The following PUS10 variants were observed in gnomAD, a reference collection of about 807,000 sequenced individuals.
The protein encoded by PUS10 is tRNA pseudouridine synthase Pus10.
PUS10 carries 59 observed loss-of-function variants against 75.0 expected under a neutral mutation model. The observed-to-expected ratio is 0.79, with a 90% CI of 0.64 to 0.98. The LOEUF (loss-of-function observed/expected upper bound fraction) is 0.98, where lower values mean the gene tolerates loss of function less well. Among genes scored for constraint, PUS10 ranks in the 50% least tolerant of loss-of-function variants. PUS10 has a pLI of 0.00. For synonymous variants in PUS10, 219 were observed against 211.6 expected, an observed-to-expected ratio of 1.03 and a Z score of -0.30; for missense variants, 650 against 614.4, an observed-to-expected ratio of 1.06 and a Z score of -0.61.
chr2:60,991,071 G>A (rs1678043588), intron 4 of PUS10, among the ~76,000 whole-genome samples: 2 of 152,108 alleles, frequency 1.3e-5, no homozygotes, highest in African/African-American at 2.4e-5. Flanking sequence ...TAGAGACGGA[G>A]TCTCTCTATG....
Position 60,962,811 on chromosome 2 carries a change from T to G in PUS10, c.788+15A>C, listed in dbSNP as rs1382808001. On this transcript the variant is annotated intron_variant, in intron 9 of 17. Transcript: ENST00000316752. Reference sequence around the variant, plus strand: ...AAATTTCACGATGCTTCTTTGTTTCTAAACTTCTACTTACTTAAGGAAATC... The same window carrying G: ...AAATTTCACGATGCTTCTTTGTTTCGAAACTTCTACTTACTTAAGGAAATC... 2 of 1,579,478 alleles carry G rather than the reference T, an allele frequency of 1.3e-6. No homozygotes were observed. Among genetic ancestry groups the G allele is most frequent in the Admixed American group, 1.9e-5 (1 of 52,632 alleles).
At chr2:60,977,206 C>G (rs906630589) in intron 4 of PUS10, among the ~76,000 whole-genome samples, 1 of 151,796 alleles carries the variant, frequency 6.6e-6, no homozygotes, top group Non-Finnish European at 1.5e-5. Context: ...GAGTGGGTGA[C>G]AGTAGGAACA....
chr2:60,979,392 C>T (rs1677243129), intron 4 of PUS10, among the ~76,000 whole-genome samples: 1 of 152,280 alleles, frequency 6.6e-6, no homozygotes, highest in South Asian at 2.1e-4. Flanking sequence ...TGGCAGCATG[C>T]TATAACCTTG....
intron 4 of PUS10, among the ~76,000 whole-genome samples, chr2:60,984,413 C>T (rs1056094977): frequency 2.6e-5 from 4 of 152,036 alleles, no homozygotes; most frequent in African/African-American, 7.2e-5. Flanking sequence ...TAGAAAATAC[C>T]GAAGAGTGTA....
chr2:60,971,822 C>A (rs1032167543), intron 4 of PUS10, among the ~76,000 whole-genome samples: 1 of 149,478 alleles, frequency 6.7e-6, no homozygotes, highest in African/African-American at 2.5e-5. Context: ...ATTTCTATTT[C>A]TCATTAATGA....
At chr2:60,988,422 T>C (rs1401797351) in intron 4 of PUS10, among the ~76,000 whole-genome samples, 4 of 152,186 alleles carry the variant, frequency 2.6e-5, no homozygotes, top group Admixed American at 2.6e-4. Flanking sequence ...CCATTAGGGT[T>C]GCTTTAGTGT....
chr2:60,972,498 TA>T (rs1676753142), intron 4 of PUS10, among the ~76,000 whole-genome samples: 1 of 151,980 alleles, frequency 6.6e-6, no homozygotes, highest in Non-Finnish European at 1.5e-5. Context: ...AAAAGAAATG[TA>T]TGCCAAATGC....
rs371267966 is a variant in PUS10 at position 60,944,981 on chromosome 2, A to G, written c.1551+28T>C. 49 of 1,534,612 alleles carry G rather than the reference A, an allele frequency of 3.2e-5. No homozygotes were observed. In the South Asian group the frequency reaches 3.7e-4, roughly 12 times the overall value. ...AACTTTGGTTGAATTCAATTTGCCA[A>G]TGTGCATTCCACAACAAAATGGTTT... On this transcript the variant is annotated intron_variant, in intron 17 of 17. Coordinates refer to ENST00000316752, the MANE Select transcript of PUS10 (RefSeq NM_144709.4).
chr2:60,944,408 G>A (rs1015628838), intron 17 of PUS10: 1 of 196,752 alleles, frequency 5.1e-6, no homozygotes, highest in African/African-American at 2.4e-5. Flanking sequence ...CAAGTCCTAA[G>A]ATTCTGGGGA....
At chr2:60,966,824 G>C (rs1017445112) in intron 6 of PUS10, 2 of 152,214 alleles carry the variant, frequency 1.3e-5, no homozygotes. Flanking sequence ...ATTTGAATAG[G>C]GGTGTATCTG....
chr2:60,982,662 T>C (rs959518754), intron 4 of PUS10, among the ~76,000 whole-genome samples: 35 of 152,234 alleles, frequency 2.3e-4, no homozygotes, highest in Non-Finnish European at 3.2e-4. Flanking sequence ...TAACAACATT[T>C]CAAGAAACAA....
At chr2:60,949,206 A>G (rs1248112982) in intron 15 of PUS10, among the ~76,000 whole-genome samples, 3 of 152,210 alleles carry the variant, frequency 2.0e-5, no homozygotes, top group African/African-American at 7.2e-5. Flanking sequence ...AGCTGTCTCC[A>G]TAAGATCTGA....
chr2:60,963,849 G>A (rs1418641148), intron 8 of PUS10, among the ~76,000 whole-genome samples: 1 of 152,166 alleles, frequency 6.6e-6, no homozygotes, highest in Non-Finnish European at 1.5e-5. Context: ...ATGGTGTGGT[G>A]TCTATGATGC....
At chr2:61,000,815 C>G (rs1678803382) in intron 4 of PUS10, among the ~76,000 whole-genome samples, 1 of 152,100 alleles carries the variant, frequency 6.6e-6, no homozygotes, top group Admixed American at 6.6e-5. Flanking sequence ...TCCTACTGCT[C>G]TAGGTCATCG....
In PUS10 at chr2:60,943,788, G is replaced by C. The variant is rs1674769681; in HGVS notation, c.1551+1221C>G. Among the ~76,000 whole-genome samples the C allele has an allele frequency of 1.3e-5, 2 of 151,964 alleles. 1 individual carries two copies. Among genetic ancestry groups the C allele is most frequent in the South Asian group, 4.1e-4 (2 of 4,820 alleles). The stretch of plus-strand genomic sequence containing the variant: ...TGTGTGTGTGTGTGTGTGTGTGTGT[G>C]TGTGTGGAGGGGAGGCAAGTTGTAG... On this transcript the variant is annotated intron_variant, in intron 17 of 17. Coordinates refer to ENST00000316752, the MANE Select transcript of PUS10 (RefSeq NM_144709.4).
intron 16 of PUS10, among the ~76,000 whole-genome samples, chr2:60,946,557 A>G (rs1312480388): frequency 7.2e-5 from 11 of 152,250 alleles, no homozygotes; most frequent in African/African-American, 2.4e-4. Flanking sequence ...AATTCCATCC[A>G]TGATAGGCAA....
intron 3 of PUS10, among the ~76,000 whole-genome samples, chr2:61,006,860 TA>T (rs1419049374): frequency 6.6e-6 from 1 of 152,132 alleles, no homozygotes; most frequent in African/African-American, 2.4e-5. Flanking sequence ...CAGCCAGGAG[TA>T]ACAGCTTCAG....
chr2:60,970,654 C>CGG (rs199750348), intron 5 of PUS10, among the ~76,000 whole-genome samples: 3 of 149,888 alleles, frequency 2.0e-5, no homozygotes, highest in African/African-American at 5.0e-5. Flanking sequence ...AGAGCCTGGG[C>CGG]GGGGGAGGGG....
intron 13 of PUS10, 31 bp downstream of exon 13, chr2:60,954,051 A>T (rs192392878): frequency 1.2e-6 from 2 of 1,611,802 alleles, no homozygotes; most frequent in South Asian, 2.2e-5. Flanking sequence ...TTGCAGAAAC[A>T]TGACGATTTC....
Sources: gnomAD v4.1 joint callset for allele counts (sites outside exome capture counted in the v4.1 genomes callset) on GRCh38, gnomAD v4.1.1 for gene constraint, MANE v1.5 for transcripts, NCBI Gene and HGNC (gene_info 2026-07-23, HGNC 2026-07-21) for gene names.